Variants in ZNF155 observed in about 807,000 individuals in gnomAD.
The protein encoded by ZNF155 is zinc finger protein 155, also known as KRAB A domain.
ZNF155 carries 15 observed loss-of-function variants against 11.9 expected under a neutral mutation model. The ratio of observed to expected loss-of-function variants is 1.26; its 90% CI spans 0.84 to 1.94. The LOEUF is 1.94. Ranked by LOEUF, ZNF155 falls within the 30% of genes most tolerant of loss-of-function variation. ZNF155 has a pLI of 0.00. For synonymous variants in ZNF155, 212 were observed against 219.9 expected (o/e 0.96, Z 0.32); for missense variants, 602 against 639.1 (o/e 0.94, Z 0.63).
In ZNF155 at chr19:43,991,637, T is replaced by C. The variant is rs1463472426; in HGVS notation, c.105T>C (p.Asp35=). Residue 35 remains aspartate, a synonymous_variant, in exon 3 of 5, where the codon GAT becomes GAC. Coordinates refer to ENST00000270014, the MANE Select transcript of ZNF155 (RefSeq NM_198089.3). ...CTGCCCAGAGGAAGCTGTACCGAGA[T>C]GTGATGCTGGAGAACTTCAGGAACC... ...LDPAQRKLYR[D]VMLENFRNLL... 1.2e-6 allele frequency: 2 copies of C among 1,614,036 alleles called. No individual in the cohort carries two copies. Among genetic ancestry groups the C allele is most frequent in the East Asian group, 4.5e-5 (2 of 44,880 alleles).
chr19:43,995,715 T>C (rs1975827719), intron 4 of ZNF155, among the ~76,000 whole-genome samples: 2 of 152,176 alleles, frequency 1.3e-5, no homozygotes, highest in African/African-American at 4.8e-5. Flanking sequence ...AACACAAATA[T>C]ACAAAGTGTT....
At chr19:43,988,882 T>C (rs565549273) in intron 2 of ZNF155, 30 of 239,252 alleles carry the variant, frequency 1.3e-4, no homozygotes, top group African/African-American at 6.2e-4. Flanking sequence ...TGTATTTGTA[T>C]TGATGATATA....
intron 2 of ZNF155, 163 bp downstream of exon 2, chr19:43,988,721 T>C (rs1975551287): frequency 1.5e-6 from 1 of 650,082 alleles, no homozygotes; most frequent in Non-Finnish European, 2.3e-6. Context: ...GCATTTGGTT[T>C]TTGGTTTTGC....
At chr19:43,996,068 A>G (rs1568490688) in intron 4 of ZNF155, 25 bp from the exon 5 acceptor site, 1 of 1,568,872 alleles carries the variant, frequency 6.4e-7, no homozygotes, top group African/African-American at 1.4e-5. Flanking sequence ...ACCTGTACAC[A>G]TCTCTTAAAT....
chr19:43,990,703 T>A (rs1975627519), intron 2 of ZNF155, among the ~76,000 whole-genome samples: 1 of 151,946 alleles, frequency 6.6e-6, no homozygotes, highest in African/African-American at 2.4e-5. Context: ...TACTGTGGAG[T>A]AGGTTCACTG....
In ZNF155 at chr19:43,996,757, G is replaced by A; in HGVS notation, c.900G>A (p.Arg300=). ...CDICGKTFYF[R]SRLKSHSMVH... ...TATGTGGTAAGACCTTCTATTTTAG[G>A]TCAAGACTTAAGAGCCATTCCATGG... Residue 300 remains arginine, a synonymous_variant, in exon 5 of 5, where the codon AGG becomes AGA. Transcript: ENST00000270014. 12 of 1,614,108 alleles carry A rather than the reference G, an allele frequency of 7.4e-6. No homozygotes were observed. Among genetic ancestry groups the A allele is most frequent in the Non-Finnish European group, 1.0e-5 (12 of 1,180,016 alleles).
Position 43,996,828 on chromosome 19 carries a change from G to A in ZNF155, c.971G>A (p.Ser324Asn). 1 of 1,614,180 alleles carries A rather than the reference G, an allele frequency of 6.2e-7. No individual in the cohort carries two copies. The highest frequency in any genetic ancestry group is 8.5e-7 in the Non-Finnish European group (1 of 1,180,032). Reference protein sequence around the residue: ...KPFRCDTCDKSFHQRSALNRH... With the variant: ...KPFRCDTCDKNFHQRSALNRH... Reference sequence around the variant, plus strand: ...TTTAGGTGTGATACATGTGATAAGAGCTTTCATCAGAGATCAGCACTTAAT... The same window carrying A: ...TTTAGGTGTGATACATGTGATAAGAACTTTCATCAGAGATCAGCACTTAAT... Residue 324 changes from serine to asparagine, a missense_variant, in exon 5 of 5, where the codon AGC becomes AAC. Transcript: ENST00000270014.
chr19:43,994,647 A>C (rs1248744732), intron 4 of ZNF155, among the ~76,000 whole-genome samples: 1 of 152,238 alleles, frequency 6.6e-6, no homozygotes, highest in East Asian at 1.9e-4. Context: ...CCAGATGAGA[A>C]TAACCAAATG....
rs572609231 is a variant in ZNF155, at chr19:43,984,188, A to T, written c.-143A>T. ...GTGTAGTCCAGACGCCTGTGGCATC[A>T]TCGACACTTCCGGTCTCCGAGCAGG... On this transcript the variant is annotated 5_prime_UTR_variant, in exon 1 of 5. Transcript: ENST00000270014. 6.6e-6 allele frequency: 1 copy of T among 152,172 alleles called. No individual in the cohort carries two copies. Among genetic ancestry groups the T allele is most frequent in the East Asian group, 2.0e-4 (1 of 5,072 alleles). The allele number at this position is 152,172 out of a possible 1,614,324, so 9.4% of individuals were successfully genotyped here.
Position 43,997,545 on chromosome 19 carries a change from T to G in ZNF155, c.*71T>G. The G allele has an allele frequency of 8.0e-7, 1 of 1,250,370 alleles. No individual in the cohort carries two copies. The highest frequency in any genetic ancestry group is 1.1e-6 in the Non-Finnish European group (1 of 917,138). 77.5% of individuals were successfully genotyped at this position (1,250,370 alleles called of 1,614,324 possible). ...ACAATTTATAGTGATCCAATCAGTG[T>G]AATTGGTGTATCTGTTACCTCAAAC... On this transcript the variant is annotated 3_prime_UTR_variant, in exon 5 of 5. Coordinates refer to ENST00000270014, the MANE Select transcript of ZNF155 (RefSeq NM_198089.3).
chr19:43,996,686 G>A lies in ZNF155; in HGVS notation c.829G>A (p.Glu277Lys). 1 of 1,613,464 alleles carries A rather than the reference G, an allele frequency of 6.2e-7. No individual in the cohort carries two copies. The highest frequency in any genetic ancestry group is 8.5e-7 in the Non-Finnish European group (1 of 1,179,824). The change falls in exon 5 of 5, where the codon GAA becomes AAA. Residue 277 changes from glutamate to lysine, a missense_variant. By Grantham distance (56) the Glu-to-Lys change is moderately conservative. Coordinates refer to ENST00000270014, the MANE Select transcript of ZNF155 (RefSeq NM_198089.3). ...KAFIHDSQLK[E>K]HKRIHTGEKP... Reference sequence around the variant, plus strand: ...CTTCATTCATGATTCCCAGCTTAAGGAACATAAGAGAATCCATACTGGGGA... The same window carrying A: ...CTTCATTCATGATTCCCAGCTTAAGAAACATAAGAGAATCCATACTGGGGA...
chr19:43,991,595 G>A lies in ZNF155; in HGVS notation c.63G>A (p.Glu21=). 1.2e-6 allele frequency: 2 copies of A among 1,614,134 alleles called. No individual in the cohort carries two copies. Among genetic ancestry groups the A allele is most frequent in the South Asian group, 2.2e-5 (2 of 91,070 alleles). Residue 21 remains glutamate, a synonymous_variant, in exon 3 of 5, where the codon GAG becomes GAA. Coordinates refer to ENST00000270014, the MANE Select transcript of ZNF155 (RefSeq NM_198089.3). ...TGGCTGTGGTCTTCACTGAGGAGGAGCTGGGGCTGCTGGACCCTGCCCAGA... is the reference window on the plus strand; with the variant it reads ...TGGCTGTGGTCTTCACTGAGGAGGAACTGGGGCTGCTGGACCCTGCCCAGA... The part of the protein sequence containing the change: ...KDVAVVFTEE[E]LGLLDPAQRK...
chr19:43,987,477 T>C (rs1276493952), intron 1 of ZNF155, among the ~76,000 whole-genome samples: 2 of 152,246 alleles, frequency 1.3e-5, no homozygotes, highest in African/African-American at 2.4e-5. Context: ...TGCATTGTTA[T>C]TGCTTCTGGG....
rs1242147678 is a variant in ZNF155, at chr19:43,991,646, G to T, written c.114G>T (p.Leu38=). Residue 38 remains leucine, a synonymous_variant, in exon 3 of 5, where the codon CTG becomes CTT. Transcript: ENST00000270014. ...GGAAGCTGTACCGAGATGTGATGCT[G>T]GAGAACTTCAGGAACCTGCTCTCAG... ...AQRKLYRDVM[L]ENFRNLLSVG... The T allele has an allele frequency of 6.2e-7, 1 of 1,614,126 alleles. No individual in the cohort carries two copies. Among genetic ancestry groups the T allele is most frequent in the South Asian group, 1.1e-5 (1 of 91,074 alleles).
chr19:43,986,449 GT>G lies in ZNF155; in HGVS notation c.-85-1991del, dbSNP rs869271791. Reference sequence around the variant, plus strand: ...CTCATCCAATATTATTCCCATTTGTGTTTTTTTTTTTTTTTTTTTAGACGGA... The same window carrying G: ...CTCATCCAATATTATTCCCATTTGTGTTTTTTTTTTTTTTTTTTAGACGGA... On this transcript the variant is annotated intron_variant, in intron 1 of 4. Transcript: ENST00000270014. 2.3e-3 allele frequency among the ~76,000 whole-genome samples: 131 copies of G among 58,034 alleles called. 1 individual carries two copies. In the East Asian group the frequency reaches 0.026, roughly 12 times the overall value. 38.1% of individuals were successfully genotyped at this position (58,034 alleles called of 152,430 possible). A position where few individuals can be genotyped will look rare whatever the true frequency, so the allele number is the denominator to read the frequency against.
intron 4 of ZNF155, 140 bp from the exon 5 acceptor site, chr19:43,995,953 G>C: frequency 8.8e-7 from 1 of 1,140,218 alleles, no homozygotes; most frequent in Non-Finnish European, 1.2e-6. Flanking sequence ...ATGCAAACCA[G>C]AAATCAGGGT....
Position 43,996,930 on chromosome 19 carries a change from A to AT in ZNF155, c.1078dup (p.Tyr360LeufsTer2), listed in dbSNP as rs2147405703. 2 of 1,609,890 alleles carry AT rather than the reference A, an allele frequency of 1.2e-6. No homozygotes were observed. The highest frequency in any genetic ancestry group is 1.7e-6 in the Non-Finnish European group (2 of 1,177,456). Reference sequence around the variant, plus strand: ...GGAAAAGGCTTTATTGGTAGGCTAGATTTTTATAAGCATCAGGTGGTCCAC... The same window carrying AT: ...GGAAAAGGCTTTATTGGTAGGCTAGATTTTTTATAAGCATCAGGTGGTCCAC... On this transcript the variant is annotated frameshift_variant, in exon 5 of 5. Transcript: ENST00000270014. LOFTEE classifies it low-confidence loss of function (END_TRUNC).
chr19:43,989,479 G>C (rs1313707133), intron 2 of ZNF155, among the ~76,000 whole-genome samples: 2 of 152,186 alleles, frequency 1.3e-5, no homozygotes, highest in Non-Finnish European at 2.9e-5. Context: ...AACCTTCTCA[G>C]GTGTACACAG....
At chr19:43,986,447 GTGTTTT>G (rs1461925469) in intron 1 of ZNF155, among the ~76,000 whole-genome samples, 42 of 142,180 alleles carry the variant, frequency 3.0e-4, no homozygotes, top group Non-Finnish European at 3.3e-4. Flanking sequence ...ATTCCCATTT[GTGTTTT>G]TTTTTTTTTT....
Sources: allele counts gnomAD v4.1 joint callset (sites outside exome capture counted in the v4.1 genomes callset), GRCh38; gene constraint gnomAD v4.1.1; transcripts MANE v1.5; gene names NCBI Gene and HGNC (gene_info 2026-07-23, HGNC 2026-07-21).